PANX1: variants seen among roughly 807,000 people sequenced by gnomAD.
PANX1 encodes the protein pannexin 1, also known as pannexin-1.
A neutral mutation model predicts 38.7 loss-of-function variants in PANX1; 30 were observed. The ratio of observed to expected loss-of-function variants is 0.78; its 90% CI spans 0.58 to 1.05. The LOEUF (loss-of-function observed/expected upper bound fraction) is 1.05. PANX1 is among the 50% of genes least tolerant of loss of function. The pLI is 0.00. For missense variants in PANX1, 551 were observed against 517.2 expected (o/e 1.07, Z -0.63); for synonymous variants, 230 against 212.2 (o/e 1.08, Z -0.73).
intron 1 of PANX1, among the ~76,000 whole-genome samples, chr11:94,134,173 T>C (rs1946661513): frequency 6.6e-6 from 1 of 152,170 alleles, no homozygotes; most frequent in Admixed American, 6.5e-5. Flanking sequence ...TGCAGAATGG[T>C]GTACTGTGGA....
intron 2 of PANX1, among the ~76,000 whole-genome samples, chr11:94,160,377 T>A (rs1037735242): frequency 1.3e-5 from 2 of 152,194 alleles, no homozygotes; most frequent in African/African-American, 4.8e-5. Flanking sequence ...TTTGTAGGTC[T>A]CTAAGGACTG....
intron 1 of PANX1, among the ~76,000 whole-genome samples, chr11:94,133,423 CTT>C (rs1774983714): frequency 6.6e-6 from 1 of 152,054 alleles, no homozygotes; most frequent in Admixed American, 6.5e-5. Context: ...CTTTGGTAGT[CTT>C]TGCGGCAGCC....
intron 2 of PANX1, among the ~76,000 whole-genome samples, chr11:94,170,680 A>G (rs1947155259): frequency 6.6e-6 from 1 of 151,772 alleles, no homozygotes; most frequent in African/African-American, 2.4e-5. Flanking sequence ...CGAGGGCCAG[A>G]GTGATCAGTG....
At chr11:94,176,374 A>G (rs3020013) in intron 2 of PANX1, among the ~76,000 whole-genome samples, 76,071 of 151,286 alleles carry the variant, frequency 0.5, 19,823 homozygotes, top group South Asian at 0.65. Flanking sequence ...AGACATGGCA[A>G]CTAAATGCAG....
chr11:94,170,586 A>G (rs1021957988), intron 2 of PANX1, among the ~76,000 whole-genome samples: 1 of 151,698 alleles, frequency 6.6e-6, no homozygotes, highest in Non-Finnish European at 1.5e-5. Flanking sequence ...ATTCTCTTTC[A>G]AAGATGAAAA....
chr11:94,180,525 C>G lies in PANX1; in HGVS notation c.1202-265C>G, dbSNP rs12798981. Among the ~76,000 whole-genome samples the G allele has an allele frequency of 1.4e-3, 215 of 152,220 alleles. 2 individuals carry two copies. The highest frequency in any genetic ancestry group is 4.9e-3 in the African/African-American group (203 of 41,514). ...CCCTCTTCTCTGTCTGTCTCACACT[C>G]TCTCTTGCTCAGCAATCTTCCTTGT... is the stretch of plus-strand genomic sequence containing the variant. On this transcript the variant is annotated intron_variant, in intron 4 of 4. Coordinates refer to ENST00000227638, the MANE Select transcript of PANX1 (RefSeq NM_015368.4).
At chr11:94,175,613 G>A in intron 2 of PANX1, 1 of 329,010 alleles carries the variant, frequency 3.0e-6, no homozygotes, top group Non-Finnish European at 4.3e-6. Context: ...TTCTCCCTGT[G>A]GTTCCCAGAT....
chr11:94,156,696 T>TA (rs902339812), intron 2 of PANX1, among the ~76,000 whole-genome samples: 3 of 150,974 alleles, frequency 2.0e-5, no homozygotes, highest in African/African-American at 4.9e-5. Context: ...CATCTTTTTT[T>TA]AAAAAAAATT....
intron 3 of PANX1, 100 bp from the exon 4 acceptor site, chr11:94,179,502 T>C: frequency 2.5e-6 from 2 of 804,300 alleles, no homozygotes; most frequent in Non-Finnish European, 4.0e-6. Context: ...AGTATGGGTG[T>C]TTGAAATTTT....
chr11:94,181,098 G>A lies in PANX1; in HGVS notation c.*229G>A. On this transcript the variant is annotated 3_prime_UTR_variant, in exon 5 of 5. Coordinates refer to ENST00000227638, the MANE Select transcript of PANX1 (RefSeq NM_015368.4). ...CCTGAGAGATAGTAAACTGCAGCAA[G>A]TAACTATGTGTAAGTCCTCATCAAA... The A allele has an allele frequency of 1.9e-6, 1 of 521,524 alleles. No individual in the cohort carries two copies. Among genetic ancestry groups the A allele is most frequent in the Non-Finnish European group, 3.5e-6 (1 of 289,084 alleles). 32.3% of individuals were successfully genotyped at this position (521,524 alleles called of 1,614,324 possible).
intron 1 of PANX1, among the ~76,000 whole-genome samples, chr11:94,132,298 G>A (rs539060287): frequency 6.6e-6 from 1 of 152,312 alleles, no homozygotes; most frequent in South Asian, 2.1e-4. Flanking sequence ...CCTAATGCAG[G>A]ATTCATGGAA....
chr11:94,136,684 C>T (rs1265474761), intron 1 of PANX1, among the ~76,000 whole-genome samples: 1 of 151,938 alleles, frequency 6.6e-6, no homozygotes, highest in East Asian at 1.9e-4. Context: ...AGGAGAATGG[C>T]GTGAACCCGG....
At chr11:94,152,501 G>A (rs529038204) in intron 1 of PANX1, among the ~76,000 whole-genome samples, 95 of 152,266 alleles carry the variant, frequency 6.2e-4, no homozygotes, top group Non-Finnish European at 1.1e-3. Context: ...GAGTGTGCCT[G>A]TCATGGAGCC....
chr11:94,137,282 G>A (rs1441837982), intron 1 of PANX1, among the ~76,000 whole-genome samples: 3 of 151,980 alleles, frequency 2.0e-5, no homozygotes, highest in African/African-American at 4.8e-5. Flanking sequence ...CCAGCCTGGC[G>A]ACAGAGCGAG....
chr11:94,179,936 AC>A lies in PANX1; in HGVS notation c.881del (p.Thr294SerfsTer35), dbSNP rs760412436. 1 of 1,608,926 alleles carries A rather than the reference AC, an allele frequency of 6.2e-7. No individual in the cohort carries two copies. Among genetic ancestry groups the A allele is most frequent in the Non-Finnish European group, 8.5e-7 (1 of 1,176,550 alleles). On this transcript the variant is annotated frameshift_variant, in exon 4 of 5. Transcript: ENST00000227638. LOFTEE classifies it high-confidence loss of function. ...YVLLAPVVVY[T>X]LFVPFRQKTD... ...CCTGCTGGCTCCCGTGGTTGTCTACACGCTGTTTGTTCCATTCCGACAGAAG... is the reference window on the plus strand; with the variant it reads ...CCTGCTGGCTCCCGTGGTTGTCTACAGCTGTTTGTTCCATTCCGACAGAAG...
At chr11:94,165,120 T>A (rs944115924) in intron 2 of PANX1, among the ~76,000 whole-genome samples, 1 of 152,144 alleles carries the variant, frequency 6.6e-6, no homozygotes, top group Non-Finnish European at 1.5e-5. Context: ...TGGTTTTTTA[T>A]CCAGTGAGCC....
At chr11:94,153,696 G>C (rs1360786959) in intron 2 of PANX1, 66 bp downstream of exon 2, 2 of 1,479,908 alleles carry the variant, frequency 1.4e-6, no homozygotes, top group African/African-American at 2.8e-5. Flanking sequence ...AGCCCAGGGA[G>C]GCTATGCCAA....
chr11:94,140,224 A>G (rs115537231), intron 1 of PANX1, among the ~76,000 whole-genome samples: 4 of 152,246 alleles, frequency 2.6e-5, no homozygotes, highest in Non-Finnish European at 5.9e-5. Flanking sequence ...TGCTCACTGC[A>G]TCAGCCCCAG....
intron 1 of PANX1, among the ~76,000 whole-genome samples, chr11:94,150,907 T>C (rs1023438729): frequency 2.6e-5 from 4 of 152,158 alleles, no homozygotes; most frequent in African/African-American, 9.6e-5. Context: ...CCCCAGGAGC[T>C]CCTCCAGGGT....
Sources: gnomAD v4.1 joint callset for allele counts (sites outside exome capture counted in the v4.1 genomes callset) on GRCh38, gnomAD v4.1.1 for gene constraint, MANE v1.5 for transcripts, NCBI Gene and HGNC (gene_info 2026-07-23, HGNC 2026-07-21) for gene names.